The following CLTCL1 variants were observed in gnomAD, a reference collection of about 807,000 sequenced individuals.
CLTCL1 encodes the protein clathrin heavy chain 2.
A neutral mutation model predicts 190.0 loss-of-function variants in CLTCL1; 159 were observed. That is an observed-to-expected ratio of 0.84 (90% confidence interval 0.74 to 0.95). CLTCL1 has a LOEUF of 0.95. CLTCL1 is among the 40% of genes least tolerant of loss of function. The probability of loss-of-function intolerance (pLI) is 0.00; values close to 1 mark genes in which losing one functional copy is unlikely to be tolerated. For missense variants in CLTCL1, 1,878 were observed against 2,033.4 expected (o/e 0.92, Z 1.47); for synonymous variants, 752 against 769.6 (o/e 0.98, Z 0.38).
chr22:19,237,863 A>G (rs567837232), intron 5 of CLTCL1, among the ~76,000 whole-genome samples: 5 of 152,342 alleles, frequency 3.3e-5, no homozygotes, highest in Admixed American at 3.3e-4. Flanking sequence ...CCAAATTATC[A>G]GCAGTGCTAG....
chr22:19,239,369 C>A lies in CLTCL1; in HGVS notation c.701G>T (p.Gly234Val), dbSNP rs782588114. 1.9e-5 allele frequency: 30 copies of A among 1,613,832 alleles called. No individual in the cohort carries two copies. In the Admixed American group the frequency reaches 4.8e-4, roughly 26 times the overall value. The part of the protein sequence containing the change: ...TGGKLHIIEV[G>V]QPAAGNQPFV... ...AGGTTGGTTTCCCGCTGCAGGCTGTCCAACTTCAATGATGTGCAACTAGAA... is the reference window on the plus strand; with the variant it reads ...AGGTTGGTTTCCCGCTGCAGGCTGTACAACTTCAATGATGTGCAACTAGAA... Residue 234 changes from glycine (G) to valine (V), a missense_variant, in exon 5 of 33, where the codon GGA becomes GTA. Physicochemically the swap from Gly to Val is moderately radical, Grantham distance 109. Transcript: ENST00000427926.
intron 4 of CLTCL1, 121 bp downstream of exon 4, chr22:19,242,654 C>T: frequency 9.0e-7 from 1 of 1,115,458 alleles, no homozygotes; most frequent in Non-Finnish European, 1.3e-6. Context: ...CAGTTCTCAA[C>T]ACCACCATGA....
chr22:19,275,577 G>A, intron 2 of CLTCL1, 46 bp downstream of exon 2: 1 of 1,528,826 alleles, frequency 6.5e-7, no homozygotes, highest in Non-Finnish European at 8.9e-7. Flanking sequence ...TAACAAAGCA[G>A]TTAAAATGAG....
rs925056636 is a variant in CLTCL1, at chr22:19,198,142, C to G, written c.3874-1486G>C. Reference sequence around the variant, plus strand: ...TCCACTGGTGATAACTCCGTTATTTCTACTTATTCAAGCCAAAACCAAATG... The same window carrying G: ...TCCACTGGTGATAACTCCGTTATTTGTACTTATTCAAGCCAAAACCAAATG... On this transcript the variant is annotated intron_variant, in intron 24 of 32. Transcript: ENST00000427926. This position sits in a 1 kb window ranked among gnomAD's most constrained non-coding sequence, Gnocchi z 4.1. 8.5e-5 allele frequency among the ~76,000 whole-genome samples: 13 copies of G among 152,344 alleles called. No homozygotes were observed. The highest frequency in any genetic ancestry group is 7.2e-4 in the Admixed American group (11 of 15,306).
intron 1 of CLTCL1, among the ~76,000 whole-genome samples, chr22:19,279,245 C>T (rs2087621641): frequency 6.6e-6 from 1 of 152,164 alleles, no homozygotes; most frequent in South Asian, 2.1e-4. Context: ...CAGCAATTCT[C>T]CTGCCTCACC....
At chr22:19,187,851 A>G in intron 28 of CLTCL1, 123 bp from the exon 29 acceptor site, 2 of 1,330,860 alleles carry the variant, frequency 1.5e-6, no homozygotes, top group Non-Finnish European at 2.1e-6. Context: ...GCCCCTGCCC[A>G]TATATCCACT....
At chr22:19,276,874 G>A (rs182301809) in intron 1 of CLTCL1, among the ~76,000 whole-genome samples, 21 of 152,082 alleles carry the variant, frequency 1.4e-4, no homozygotes, top group South Asian at 1.0e-3. Flanking sequence ...GGGTTTCACC[G>A]TGTTAGCCAG....
At chr22:19,184,721 G>A (rs1555927492) in intron 29 of CLTCL1, 1 of 364,736 alleles carries the variant, frequency 2.7e-6, no homozygotes, top group Non-Finnish European at 5.5e-6. Flanking sequence ...CTCCTCTGTG[G>A]GCCTTGGGGA....
chr22:19,199,809 G>C lies in CLTCL1; in HGVS notation c.3798C>G (p.Phe1266Leu). ...GAAGACCACACAGCTGTGCGAAGCG[G>C]AACTCTTGTCCATCCATGCAGGCAA... ...VCFACMDGQE[F>L]RFAQLCGLHI... is the part of the protein sequence containing the mutation. The change falls in exon 24 of 33, where the codon TTC (phenylalanine) becomes TTG (leucine). Residue 1266 changes from phenylalanine to leucine, a missense_variant. Physicochemically the swap from Phe to Leu is conservative, Grantham distance 22. Coordinates refer to ENST00000427926, the MANE Select transcript of CLTCL1 (RefSeq NM_007098.4). The C allele has an allele frequency of 6.3e-7, 1 of 1,597,634 alleles. No homozygotes were observed. The highest frequency in any genetic ancestry group is 8.5e-7 in the Non-Finnish European group (1 of 1,172,470).
intron 17 of CLTCL1, among the ~76,000 whole-genome samples, chr22:19,220,266 G>A (rs1292586407): frequency 6.6e-6 from 1 of 152,174 alleles, no homozygotes; most frequent in Non-Finnish European, 1.5e-5. Flanking sequence ...AGGACTTCCT[G>A]CATTCAGGGA....
At chr22:19,241,893 G>T (rs2086263960) in intron 4 of CLTCL1, among the ~76,000 whole-genome samples, 1 of 151,968 alleles carries the variant, frequency 6.6e-6, no homozygotes, top group Non-Finnish European at 1.5e-5. Flanking sequence ...CACCACACTG[G>T]TGATTTCACA....
intron 19 of CLTCL1, 60 bp from the exon 20 acceptor site, chr22:19,210,569 T>A: frequency 6.5e-7 from 1 of 1,537,164 alleles, no homozygotes; most frequent in South Asian, 1.2e-5. Flanking sequence ...AAACCATTTT[T>A]TGGCAGGTCA....
At position 19,225,479 on chromosome 22, in the gene CLTCL1, A is replaced by C; in HGVS notation, c.2102T>G (p.Leu701Arg). The C allele has an allele frequency of 2.5e-6, 4 of 1,586,188 alleles. No homozygotes were observed. The highest frequency in any genetic ancestry group is 3.4e-6 in the Non-Finnish European group (4 of 1,165,544). The change falls in exon 13 of 33, where the codon CTC becomes CGC. Residue 701 changes from leucine to arginine, a missense_variant. Transcript: ENST00000427926. ...TTTGTAACTCTTGAAGGATTCAAAG[A>C]GCTCCACCAGGGCCTGCGTGCCCAG... Reference protein sequence around the residue: ...EQLGTQALVELFESFKSYKGL... With the variant: ...EQLGTQALVERFESFKSYKGL...
At chr22:19,277,337 GT>G (rs1555984003) in intron 1 of CLTCL1, among the ~76,000 whole-genome samples, 1 of 152,150 alleles carries the variant, frequency 6.6e-6, no homozygotes, top group Non-Finnish European at 1.5e-5. Flanking sequence ...AAGTGTTGGG[GT>G]TAAGAAATCT....
intron 2 of CLTCL1, among the ~76,000 whole-genome samples, chr22:19,271,283 T>C (rs1421053645): frequency 1.3e-5 from 2 of 152,152 alleles, no homozygotes; most frequent in African/African-American, 4.8e-5. Flanking sequence ...GTTCCCAGTG[T>C]TGGAGAGGGA....
At chr22:19,193,787 TGA>T (rs1226487322) in intron 26 of CLTCL1, among the ~76,000 whole-genome samples, 13 of 152,314 alleles carry the variant, frequency 8.5e-5, no homozygotes, top group South Asian at 8.3e-4. Context: ...TTGAGAGGTG[TGA>T]GTTTCTTCCT....
intron 29 of CLTCL1, 97 bp from the exon 30 acceptor site, chr22:19,183,708 A>C: frequency 2.5e-6 from 3 of 1,182,614 alleles, no homozygotes; most frequent in Non-Finnish European, 3.6e-6. Context: ...ACTAGACTCC[A>C]CCAAGGACTT....
At chr22:19,257,800 C>A (rs782033153) in intron 2 of CLTCL1, 32 of 1,428,538 alleles carry the variant, frequency 2.2e-5, no homozygotes, top group Non-Finnish European at 2.9e-5. Context: ...CACCTGGCCT[C>A]CTACCTGGAC....
chr22:19,180,299 C>T (rs1329328141), intron 31 of CLTCL1, 61 bp from the exon 32 acceptor site: 38 of 1,569,080 alleles, frequency 2.4e-5, no homozygotes, highest in Middle Eastern at 3.3e-4. Flanking sequence ...GCTGGAGACC[C>T]GCCGGCGTGC....
Sources: gnomAD v4.1 joint callset for allele counts (sites outside exome capture counted in the v4.1 genomes callset) on GRCh38, gnomAD v4.1.1 for gene constraint, Gnocchi (gnomAD v3.1) non-coding constraint, MANE v1.5 for transcripts, NCBI Gene and HGNC (gene_info 2026-07-23, HGNC 2026-07-21) for gene names.